Variants in DNAH14 observed in about 807,000 individuals in gnomAD.
The protein encoded by DNAH14 is axonemal beta dynein heavy chain 14.
DNAH14 carries 478 observed loss-of-function variants against 520.9 expected under a neutral mutation model. The ratio of observed to expected loss-of-function variants is 0.92; its 90% CI spans 0.85 to 0.99. DNAH14 has a LOEUF of 0.99. Among genes scored for constraint, DNAH14 ranks in the 50% least tolerant of loss-of-function variants. DNAH14 has a pLI of 0.00. For synonymous variants in DNAH14, 1,581 were observed against 1,757.2 expected, an observed-to-expected ratio of 0.90 and a Z score of 2.51; for missense variants, 4,831 against 5,234.5, an observed-to-expected ratio of 0.92 and a Z score of 2.38.
At chr1:224,986,755 T>G (rs1482801600) in intron 8 of DNAH14, among the ~76,000 whole-genome samples, 1 of 152,196 alleles carries the variant, frequency 6.6e-6, no homozygotes, top group Non-Finnish European at 1.5e-5. Flanking sequence ...AAGTCTTTCC[T>G]CTAAGATATG....
chr1:225,250,688 C>A, intron 43 of DNAH14: 2 of 558,328 alleles, frequency 3.6e-6, no homozygotes, highest in Non-Finnish European at 6.6e-6. Context: ...ACAGGGCAGA[C>A]GGAGAAAGGG....
intron 49 of DNAH14, among the ~76,000 whole-genome samples, chr1:225,269,943 A>G (rs1423593526): frequency 2.4e-4 from 36 of 152,180 alleles, no homozygotes; most frequent in Admixed American, 2.4e-3. Flanking sequence ...AACTAGAAAT[A>G]CCATTTGACT....
chr1:225,187,276 C>T (rs1381985422), intron 37 of DNAH14, among the ~76,000 whole-genome samples: 1 of 151,736 alleles, frequency 6.6e-6, no homozygotes, highest in Non-Finnish European at 1.5e-5. Flanking sequence ...TTTATCACCC[C>T]AGGAGAACAC....
At chr1:225,083,743 T>A (rs992381601) in intron 20 of DNAH14, among the ~76,000 whole-genome samples, 12 of 152,274 alleles carry the variant, frequency 7.9e-5, no homozygotes, top group Admixed American at 7.2e-4. Flanking sequence ...CTGATATACA[T>A]GCCCAACTGA....
chr1:224,938,988 C>T (rs544940346), intron 1 of DNAH14, among the ~76,000 whole-genome samples: 11 of 152,050 alleles, frequency 7.2e-5, no homozygotes, highest in East Asian at 3.9e-4. Context: ...AAGTGGCTCT[C>T]GTGCAAATAG....
chr1:225,051,378 T>C (rs2068518816), intron 16 of DNAH14, 73 bp from the exon 17 acceptor site: 2 of 1,107,850 alleles, frequency 1.8e-6, no homozygotes, highest in Non-Finnish European at 2.5e-6. Flanking sequence ...TGTCAGAAAC[T>C]ATTAGCATGC....
chr1:225,045,564 T>G (rs2067883231), intron 15 of DNAH14, among the ~76,000 whole-genome samples: 1 of 152,114 alleles, frequency 6.6e-6, no homozygotes, highest in South Asian at 2.1e-4. Flanking sequence ...TTTCCTTGTC[T>G]TTTATGACCT....
intron 38 of DNAH14, among the ~76,000 whole-genome samples, chr1:225,195,531 C>A (rs866529739): frequency 1.3e-5 from 2 of 151,460 alleles, no homozygotes; most frequent in Non-Finnish European, 1.5e-5. Context: ...TGGAGAGGAT[C>A]AAAAAACTAC....
chr1:225,300,723 TG>T, intron 55 of DNAH14, 145 bp from the exon 56 acceptor site: 2 of 748,940 alleles, frequency 2.7e-6, no homozygotes, highest in Non-Finnish European at 4.1e-6. Flanking sequence ...AGGTGGGGGG[TG>T]GGGGAGATTA....
At chr1:225,324,634 A>T in intron 63 of DNAH14, 103 bp from the exon 64 acceptor site, 1 of 1,134,776 alleles carries the variant, frequency 8.8e-7, no homozygotes, top group Non-Finnish European at 1.3e-6. Context: ...AGGAAAGTTT[A>T]ATTGTAACAA....
At chr1:225,076,541 C>T (rs988558809) in intron 17 of DNAH14, among the ~76,000 whole-genome samples, 2 of 152,116 alleles carry the variant, frequency 1.3e-5, no homozygotes, top group African/African-American at 4.8e-5. Context: ...ACGATTCCAC[C>T]GTCTTGCTCC....
At chr1:224,990,008 T>C (rs1048686854) in intron 8 of DNAH14, among the ~76,000 whole-genome samples, 19 of 148,734 alleles carry the variant, frequency 1.3e-4, no homozygotes, top group Admixed American at 1.1e-3. Flanking sequence ...TGATGGTCTG[T>C]GTTGTTGTTT....
chr1:225,075,209 T>C (rs1293237036), intron 17 of DNAH14, among the ~76,000 whole-genome samples: 12 of 152,152 alleles, frequency 7.9e-5, no homozygotes, highest in Admixed American at 7.9e-4. Context: ...GGTCACACAT[T>C]CACTCACCAC....
chr1:225,253,019 T>C lies in DNAH14; in HGVS notation c.6865+602T>C, dbSNP rs146965859. Among the ~76,000 whole-genome samples, 144 of 152,170 alleles carry C rather than the reference T, an allele frequency of 9.5e-4. 1 individual carries two copies. In the East Asian group the frequency reaches 0.026, roughly 28 times the overall value. On this transcript the variant is annotated intron_variant, in intron 44 of 85. Transcript: ENST00000682510. The stretch of plus-strand genomic sequence containing the variant: ...TTTAATAAATACAAATTGAATTGCT[T>C]TGAAGTCAGATTTCTCTCATAAAAG...
At chr1:225,098,342 G>T (rs757471129) in intron 22 of DNAH14, among the ~76,000 whole-genome samples, 3 of 152,142 alleles carry the variant, frequency 2.0e-5, no homozygotes, top group African/African-American at 4.8e-5. Flanking sequence ...AAAGTGATTG[G>T]CCTTAAGGGT....
chr1:225,366,877 G>A (rs190042767), intron 76 of DNAH14, among the ~76,000 whole-genome samples: 1 of 151,676 alleles, frequency 6.6e-6, no homozygotes, highest in Non-Finnish European at 1.5e-5. Flanking sequence ...CTGAAAAGAG[G>A]AAAGGCTGCT....
intron 66 of DNAH14, 87 bp from the exon 67 acceptor site, chr1:225,337,179 T>G: frequency 9.3e-7 from 1 of 1,080,122 alleles, no homozygotes; most frequent in Non-Finnish European, 1.3e-6. Context: ...AAGGCAGTGA[T>G]TCTGTAGGAT....
chr1:225,055,856 G>T (rs2069015906), intron 17 of DNAH14, among the ~76,000 whole-genome samples: 1 of 152,058 alleles, frequency 6.6e-6, no homozygotes, highest in African/African-American at 2.4e-5. Flanking sequence ...CCCCACAAAG[G>T]ACATGAACTC....
intron 17 of DNAH14, among the ~76,000 whole-genome samples, chr1:225,075,348 G>A (rs916589412): frequency 6.6e-6 from 1 of 152,064 alleles, no homozygotes; most frequent in Admixed American, 6.5e-5. Flanking sequence ...GTACCTGGAT[G>A]TTTCAATTGA....
Sources: allele counts gnomAD v4.1 joint callset (sites outside exome capture counted in the v4.1 genomes callset), GRCh38; gene constraint gnomAD v4.1.1; transcripts MANE v1.5; gene names NCBI Gene and HGNC (gene_info 2026-07-23, HGNC 2026-07-21).